Variants in SNX7 observed in about 807,000 individuals in gnomAD.
The protein encoded by SNX7 is sorting nexin 7.
In SNX7, 35 loss-of-function variants were observed where a neutral mutation model predicts 48.4. That is an observed-to-expected ratio of 0.72 (90% CI 0.55 to 0.96). SNX7 has a LOEUF of 0.96. Among genes scored for constraint, SNX7 ranks in the 40% least tolerant of loss-of-function variants. The pLI is 0.00. For synonymous variants in SNX7, 190 were observed against 190.2 expected (o/e 1.00, Z 0.01); for missense variants, 553 against 548.9 (o/e 1.01, Z -0.07).
At chr1:98,740,069 G>GGTTTT (rs747792892) in intron 8 of SNX7, among the ~76,000 whole-genome samples, 7 of 152,006 alleles carry the variant, frequency 4.6e-5, no homozygotes, top group Admixed American at 2.6e-4. Context: ...ACAGATCCAT[G>GGTTTT]GTTTTGTTTT....
chr1:98,720,874 G>T (rs927068193), intron 7 of SNX7, among the ~76,000 whole-genome samples: 6 of 152,020 alleles, frequency 3.9e-5, no homozygotes, highest in African/African-American at 1.4e-4. Flanking sequence ...TCTCATGGAA[G>T]TTTTAGCTTT....
At chr1:98,681,353 C>G (rs1023342791) in intron 1 of SNX7, among the ~76,000 whole-genome samples, 3 of 152,144 alleles carry the variant, frequency 2.0e-5, no homozygotes, top group Non-Finnish European at 4.4e-5. Flanking sequence ...AACCTTGTCA[C>G]AGGTCAAGGC....
chr1:98,757,721 A>G (rs1469833731), intron 8 of SNX7, among the ~76,000 whole-genome samples: 1 of 134,776 alleles, frequency 7.4e-6, no homozygotes, highest in Admixed American at 7.4e-5. Context: ...TATATATAGT[A>G]TCTACCTGAT....
chr1:98,679,379 G>A (rs1230282355), intron 1 of SNX7, among the ~76,000 whole-genome samples: 2 of 152,002 alleles, frequency 1.3e-5, no homozygotes, highest in African/African-American at 4.8e-5. Flanking sequence ...GATTTGAGTG[G>A]GGACACAGCC....
chr1:98,687,426 G>A lies in SNX7; in HGVS notation c.363+2359G>A, dbSNP rs117248920. On this transcript the variant is annotated intron_variant, in intron 2 of 8. Coordinates refer to ENST00000306121, the MANE Select transcript of SNX7 (RefSeq NM_015976.5). ...TATATAGACTATATCTATATATACA[G>A]AAATATATATTACAGATACAAATAT... is the stretch of plus-strand genomic sequence containing the variant. Among the ~76,000 whole-genome samples, 66 of 151,906 alleles carry A rather than the reference G, an allele frequency of 4.3e-4. No homozygotes were observed. In the East Asian group the frequency reaches 0.011, roughly 26 times the overall value.
At chr1:98,703,374 A>T (rs118151874) in intron 7 of SNX7, among the ~76,000 whole-genome samples, 1 of 152,148 alleles carries the variant, frequency 6.6e-6, no homozygotes, top group Admixed American at 6.6e-5. Flanking sequence ...GCATAGTTCT[A>T]TGCAACTTAG....
chr1:98,734,794 A>AT (rs909107162), intron 7 of SNX7, among the ~76,000 whole-genome samples: 39 of 152,116 alleles, frequency 2.6e-4, no homozygotes, highest in Non-Finnish European at 8.8e-5. Context: ...AATATAAAGC[A>AT]TTTTTTCACT....
chr1:98,691,318 A>G, intron 3 of SNX7, 133 bp downstream of exon 3: 1 of 582,002 alleles, frequency 1.7e-6, no homozygotes, highest in South Asian at 3.5e-5. Flanking sequence ...ATTTATTTCT[A>G]AGTGTTTCAA....
In SNX7 at chr1:98,661,748, G is replaced by A; in HGVS notation, c.17G>A (p.Arg6Gln). 8.1e-7 allele frequency: 1 copy of A among 1,234,688 alleles called. No individual in the cohort carries two copies. The highest frequency in any genetic ancestry group is 1.0e-6 in the Non-Finnish European group (1 of 983,976). 76.5% of individuals were successfully genotyped at this position (1,234,688 alleles called of 1,614,324 possible). A position where few individuals can be genotyped will look rare whatever the true frequency, so the allele number is the denominator to read the frequency against. ...ACTCTCGGGATGGAGGGCGAGCGCC[G>A]GGCATCGCAGGCGCCCTCCTCGGGC... The part of the protein sequence containing the change: MEGER[R>Q]ASQAPSSGLP... Residue 6 changes from arginine to glutamine, a missense_variant, in exon 1 of 9, where the codon CGG becomes CAG. Coordinates refer to ENST00000306121, the MANE Select transcript of SNX7 (RefSeq NM_015976.5).
intron 5 of SNX7, among the ~76,000 whole-genome samples, chr1:98,698,338 G>T (rs1180525018): frequency 6.6e-6 from 1 of 152,120 alleles, no homozygotes; most frequent in African/African-American, 2.4e-5. Flanking sequence ...CAGAAGAAGG[G>T]GAGAAAGAAG....
At chr1:98,681,429 T>G (rs951100169) in intron 1 of SNX7, among the ~76,000 whole-genome samples, 1 of 152,134 alleles carries the variant, frequency 6.6e-6, no homozygotes, top group Non-Finnish European at 1.5e-5. Context: ...CTTATCACTA[T>G]AAGATATTTT....
intron 1 of SNX7, among the ~76,000 whole-genome samples, chr1:98,672,447 A>T (rs908684012): frequency 2.0e-5 from 3 of 149,528 alleles, no homozygotes; most frequent in African/African-American, 7.4e-5. Flanking sequence ...GCAGCTGGCC[A>T]GGAGATGTAA....
At position 98,701,771 on chromosome 1, in the gene SNX7, T is replaced by G. The variant is rs370681383; in HGVS notation, c.1039-46T>G. On this transcript the variant is annotated intron_variant, in intron 6 of 8. Coordinates refer to ENST00000306121, the MANE Select transcript of SNX7 (RefSeq NM_015976.5). ...TATATTTTTGCTATAGGAAAGATTATTAAAACTAAGTACAGCCTATTTTAT... is the reference window on the plus strand; with the variant it reads ...TATATTTTTGCTATAGGAAAGATTAGTAAAACTAAGTACAGCCTATTTTAT... 2.5e-5 allele frequency: 33 copies of G among 1,343,928 alleles called. No homozygotes were observed. The African/African-American group carries it at 3.8e-4, about 16-fold the overall frequency. The allele number at this position is 1,343,928 out of a possible 1,614,324, so 83.3% of individuals were successfully genotyped here. A position where few individuals can be genotyped will look rare whatever the true frequency, so the allele number is the denominator to read the frequency against.
chr1:98,705,803 C>T (rs75085327), intron 7 of SNX7, among the ~76,000 whole-genome samples: 3 of 152,182 alleles, frequency 2.0e-5, no homozygotes, highest in East Asian at 1.9e-4. Flanking sequence ...TTATCCTTTG[C>T]TCAGTATGGA....
chr1:98,720,562 A>G (rs12137692), intron 7 of SNX7, among the ~76,000 whole-genome samples: 43,633 of 151,774 alleles, frequency 0.29, 6,760 homozygotes, highest in Non-Finnish European at 0.34. Context: ...CAGTTACATG[A>G]TCACAACTTT....
In SNX7 at chr1:98,754,290, A is replaced by G. The variant is rs180839210; in HGVS notation, c.1279-5764A>G. Reference sequence around the variant, plus strand: ...CCAAAATTTTATTTAGAAGTTTTGCATCTATGTTTAGGAGGAATAATGGTC... The same window carrying G: ...CCAAAATTTTATTTAGAAGTTTTGCGTCTATGTTTAGGAGGAATAATGGTC... On this transcript the variant is annotated intron_variant, in intron 8 of 8. Transcript: ENST00000306121. Among the ~76,000 whole-genome samples the G allele has an allele frequency of 1.5e-3, 233 of 152,188 alleles. 1 individual carries two copies. Among genetic ancestry groups the G allele is most frequent in the African/African-American group, 5.3e-3 (221 of 41,562 alleles).
intron 4 of SNX7, among the ~76,000 whole-genome samples, chr1:98,692,806 A>G (rs906660271): frequency 6.6e-6 from 1 of 152,208 alleles, no homozygotes; most frequent in Non-Finnish European, 1.5e-5. Flanking sequence ...TCTCAACTGC[A>G]TATGGTGGCA....
At chr1:98,709,170 T>C (rs908623469) in intron 7 of SNX7, among the ~76,000 whole-genome samples, 92 of 152,346 alleles carry the variant, frequency 6.0e-4, no homozygotes, top group African/African-American at 2.2e-3. Context: ...ATTGAAACCT[T>C]AGCCCAGTGC....
At chr1:98,749,435 A>G (rs1654473346) in intron 8 of SNX7, among the ~76,000 whole-genome samples, 1 of 152,136 alleles carries the variant, frequency 6.6e-6, no homozygotes, top group African/African-American at 2.4e-5. Context: ...TATCACTTAC[A>G]TTCTTGAGAG....
Sources: allele counts gnomAD v4.1 joint callset (sites outside exome capture counted in the v4.1 genomes callset), GRCh38; gene constraint gnomAD v4.1.1; transcripts MANE v1.5; gene names NCBI Gene and HGNC (gene_info 2026-07-23, HGNC 2026-07-21).